ACY3: variants seen among roughly 807,000 people sequenced by gnomAD.
ACY3 encodes N-acyl-aromatic-L-amino acid amidohydrolase (carboxylate-forming).
Under a neutral mutation model 24.6 loss-of-function variants are expected in ACY3, and 20 were observed. The ratio of observed to expected loss-of-function variants is 0.81; its 90% CI spans 0.57 to 1.18. The LOEUF is 1.18. ACY3 is among the 50% of genes most tolerant of loss of function. The probability of loss-of-function intolerance (pLI) is 0.00; values close to 1 mark genes in which losing one functional copy is unlikely to be tolerated. For missense variants in ACY3, 423 were observed against 426.8 expected (o/e 0.99, Z 0.08); for synonymous variants, 174 against 188.4 (o/e 0.92, Z 0.62).
intron 3 of ACY3, 43 bp downstream of exon 3, chr11:67,646,765 G>A (rs758324349): frequency 7.0e-6 from 11 of 1,580,814 alleles, no homozygotes; most frequent in Middle Eastern, 1.7e-4. Flanking sequence ...GTGGGGACTC[G>A]GTGCCCAACT....
Position 67,645,857 on chromosome 11 carries a change from C to T in ACY3, c.267G>A (p.Glu89=), listed in dbSNP as rs1373418380. 7 of 1,611,720 alleles carry T rather than the reference C, an allele frequency of 4.3e-6. No individual in the cohort carries two copies. Among genetic ancestry groups the T allele is most frequent in the Non-Finnish European group, 5.9e-6 (7 of 1,179,004 alleles). The change falls in exon 4 of 8, where the codon GAG becomes GAA. Residue 89 remains glutamate (E), a synonymous_variant. Coordinates refer to ENST00000255082, the MANE Select transcript of ACY3 (RefSeq NM_080658.2). ...NSRPTPDDPY[E]VTRARELNQL... Reference sequence around the variant, plus strand: ...GGTTCAGCTCTCGGGCTCTTGTCACCTCATATGGGTCGTCCGGGGTGGGCC... The same window carrying T: ...GGTTCAGCTCTCGGGCTCTTGTCACTTCATATGGGTCGTCCGGGGTGGGCC...
rs376933995 is a variant in ACY3, at chr11:67,648,965, G to A, written c.-94-1376C>T. 2.2e-4 allele frequency among the ~76,000 whole-genome samples: 34 copies of A among 152,242 alleles called. No individual in the cohort carries two copies. The East Asian group carries it at 6.2e-3, about 28-fold the overall frequency. Reference sequence around the variant, plus strand: ...ACTCCTCCTGGCACCTGGAGCCTCAGCAAAGGGAGGGCAGAGACTGCCATT... The same window carrying A: ...ACTCCTCCTGGCACCTGGAGCCTCAACAAAGGGAGGGCAGAGACTGCCATT... On this transcript the variant is annotated intron_variant, in intron 1 of 7. Transcript: ENST00000255082.
intron 4 of ACY3, 84 bp from the exon 5 acceptor site, chr11:67,645,464 C>T: frequency 7.0e-7 from 1 of 1,434,148 alleles, no homozygotes; most frequent in Non-Finnish European, 9.6e-7. Context: ...GGAGGAAACA[C>T]AGGGCACCAC....
rs1855435499 is a variant in ACY3 at position 67,642,869 on chromosome 11, T to C, written c.815A>G (p.Tyr272Cys). The change falls in exon 8 of 8, where the codon TAT becomes TGT. Residue 272 changes from tyrosine (Y) to cysteine (C), a missense_variant. Physicochemically the swap from Tyr to Cys is radical, Grantham distance 194. Coordinates refer to ENST00000255082, the MANE Select transcript of ACY3 (RefSeq NM_080658.2). Reference sequence around the variant, plus strand: ...GGGGTACACCGTGGACTCTCCCTCATAGAGCAGGTCCTCCCCACTGAACAT... The same window carrying C: ...GGGGTACACCGTGGACTCTCCCTCACAGAGCAGGTCCTCCCCACTGAACAT... The part of the protein sequence containing the change: ...FQMFSGEDLL[Y>C]EGESTVYPVF... The C allele has an allele frequency of 6.2e-7, 1 of 1,613,970 alleles. No individual in the cohort carries two copies.
chr11:67,647,961 C>T (rs886523274), intron 1 of ACY3, among the ~76,000 whole-genome samples: 1 of 152,226 alleles, frequency 6.6e-6, no homozygotes, highest in Admixed American at 6.5e-5. Context: ...TCCTTCACCA[C>T]CTCGGCAACA....
At chr11:67,646,391 C>G (rs1368109565) in intron 3 of ACY3, among the ~76,000 whole-genome samples, 1 of 152,242 alleles carries the variant, frequency 6.6e-6, no homozygotes, top group East Asian at 1.9e-4. Flanking sequence ...TCCTCTGTCT[C>G]CCCATTAAGC....
chr11:67,644,766 C>G lies in ACY3; in HGVS notation c.738G>C (p.Gln246His). 1 of 1,550,970 alleles carries G rather than the reference C, an allele frequency of 6.4e-7. No homozygotes were observed. Reference sequence around the variant, plus strand: ...CACACACACACACACACACCTGCAGCTGAGGATGCACAGTGCCTGCCAGGT... The same window carrying G: ...CACACACACACACACACACCTGCAGGTGAGGATGCACAGTGCCTGCCAGGT... The part of the protein sequence containing the change: ...AGHLAGTVHP[Q>H]LQDRDFQPLQ... The change falls in exon 7 of 8, where the codon CAG becomes CAC. Residue 246 changes from glutamine to histidine, a missense_variant. Gln to His is a conservative substitution (Grantham distance 24, BLOSUM62 0). Transcript: ENST00000255082.
intron 6 of ACY3, 21 bp downstream of exon 6, chr11:67,645,024 G>GAA (rs1565237936): frequency 6.2e-7 from 1 of 1,612,070 alleles, no homozygotes; most frequent in East Asian, 2.2e-5. Context: ...CCTGTTTCCC[G>GAA]AAAGTCCCCT....
Position 67,642,702 on chromosome 11 carries a change from G to T in ACY3, c.*22C>A. On this transcript the variant is annotated 3_prime_UTR_variant, in exon 8 of 8. Transcript: ENST00000255082. Reference sequence around the variant, plus strand: ...CCCATCGTTCAGATGGGAAGACTGAGGTTGGGGAGGTGTGTCTTGGGTTAG... The same window carrying T: ...CCCATCGTTCAGATGGGAAGACTGATGTTGGGGAGGTGTGTCTTGGGTTAG... The T allele has an allele frequency of 6.2e-7, 1 of 1,612,440 alleles. No individual in the cohort carries two copies.
chr11:67,643,691 A>G (rs1453388391), intron 7 of ACY3, among the ~76,000 whole-genome samples: 1 of 151,168 alleles, frequency 6.6e-6, no homozygotes, highest in Non-Finnish European at 1.5e-5. Context: ...TAAATAAATA[A>G]ATAAATTTTA....
chr11:67,646,724 G>T, intron 3 of ACY3, 84 bp downstream of exon 3: 1 of 1,271,688 alleles, frequency 7.9e-7, no homozygotes, highest in Non-Finnish European at 1.1e-6. Flanking sequence ...GGCAGGGAGG[G>T]CCCTGCTGGT....
intron 1 of ACY3, among the ~76,000 whole-genome samples, chr11:67,649,428 C>G (rs143775705): frequency 0.015 from 2,308 of 152,340 alleles, 45 homozygotes; most frequent in South Asian, 0.086. Context: ...AGTTTCACTT[C>G]CCTTGGCTGG....
intron 7 of ACY3, 24 bp downstream of exon 7, chr11:67,644,736 A>AC: frequency 7.7e-7 from 1 of 1,306,488 alleles, no homozygotes; most frequent in East Asian, 3.1e-5. Context: ...CCCCCACCAC[A>AC]CACACACACA....
At position 67,646,945 on chromosome 11, in the gene ACY3, G is replaced by T; in HGVS notation, c.99C>A (p.His33Gln). The change falls in exon 3 of 8, where the codon CAC becomes CAA. Residue 33 changes from histidine (H) to glutamine (Q), a missense_variant. Coordinates refer to ENST00000255082, the MANE Select transcript of ACY3 (RefSeq NM_080658.2). ...NEMSGVYLAR[H>Q]WLHAPAELQR... ...GCAGCTCTGCGGGGGCATGCAGCCA[G>T]TGCCGGGCCAGGTAGACGCCCGACA... The T allele has an allele frequency of 6.3e-7, 1 of 1,599,608 alleles. No individual in the cohort carries two copies. The highest frequency in any genetic ancestry group is 2.3e-5 in the East Asian group (1 of 44,284).
At chr11:67,648,304 G>A (rs903788906) in intron 1 of ACY3, among the ~76,000 whole-genome samples, 6 of 152,090 alleles carry the variant, frequency 3.9e-5, no homozygotes, top group African/African-American at 7.2e-5. Flanking sequence ...CCCTAGAGGC[G>A]GGCTGCAGGT....
At position 67,642,868 on chromosome 11, in the gene ACY3, A is replaced by T. The variant is rs188330165; in HGVS notation, c.816T>A (p.Tyr272Ter). Residue 272 changes from tyrosine (Y) to a stop codon, truncating the protein, a stop_gained, in exon 8 of 8, where the codon TAT (tyrosine) becomes TAA (stop). Coordinates refer to ENST00000255082, the MANE Select transcript of ACY3 (RefSeq NM_080658.2). LOFTEE classifies it low-confidence loss of function (END_TRUNC). ...FQMFSGEDLL[Y>*]EGESTVYPVF... ...CGGGGTACACCGTGGACTCTCCCTC[A>T]TAGAGCAGGTCCTCCCCACTGAACA... The T allele has an allele frequency of 6.2e-7, 1 of 1,614,028 alleles. No individual in the cohort carries two copies. Among genetic ancestry groups the T allele is most frequent in the East Asian group, 2.2e-5 (1 of 44,874 alleles).
intron 6 of ACY3, 62 bp from the exon 7 acceptor site, chr11:67,644,931 C>G: frequency 1.3e-6 from 2 of 1,584,100 alleles, no homozygotes; most frequent in South Asian, 1.1e-5. Flanking sequence ...CAGACTGGGC[C>G]GTGGGGGTAC....
rs112459428 is a variant in ACY3, at chr11:67,648,358, C to T, written c.-94-769G>A. Among the ~76,000 whole-genome samples, 64 of 152,296 alleles carry T rather than the reference C, an allele frequency of 4.2e-4. No individual in the cohort carries two copies. In the Middle Eastern group the frequency reaches 0.014, roughly 32 times the overall value. ...GGCGGGCTGTAGGTGGCACTCAGTGCGTCCAATGTGGCTCCATCCCCTCCT... is the reference window on the plus strand; with the variant it reads ...GGCGGGCTGTAGGTGGCACTCAGTGTGTCCAATGTGGCTCCATCCCCTCCT... On this transcript the variant is annotated intron_variant, in intron 1 of 7. Coordinates refer to ENST00000255082, the MANE Select transcript of ACY3 (RefSeq NM_080658.2).
rs1236869579 is a variant in ACY3, at chr11:67,645,400, G to C, written c.433-20C>G. Reference sequence around the variant, plus strand: ...CTGCAGCTGGGGGCGAGAGAGGCAGGTTAGGGGCCCAGGCCTACTTGGGAA... The same window carrying C: ...CTGCAGCTGGGGGCGAGAGAGGCAGCTTAGGGGCCCAGGCCTACTTGGGAA... On this transcript the variant is annotated intron_variant, in intron 4 of 7. Coordinates refer to ENST00000255082, the MANE Select transcript of ACY3 (RefSeq NM_080658.2). 1 of 1,609,816 alleles carries C rather than the reference G, an allele frequency of 6.2e-7. No individual in the cohort carries two copies. Among genetic ancestry groups the C allele is most frequent in the South Asian group, 1.1e-5 (1 of 90,444 alleles).
Sources: allele counts gnomAD v4.1 joint callset (sites outside exome capture counted in the v4.1 genomes callset), GRCh38; gene constraint gnomAD v4.1.1; transcripts MANE v1.5; gene names NCBI Gene and HGNC (gene_info 2026-07-23, HGNC 2026-07-21).